MRLN: variants seen among roughly 807,000 people sequenced by gnomAD.
MRLN encodes myoregulin.
chr10:59,743,561 A>T (rs1031554264), intron 1 of MRLN, among the ~76,000 whole-genome samples: 9 of 152,118 alleles, frequency 5.9e-5, no homozygotes, highest in African/African-American at 2.2e-4. Context: ...AAGGACACAA[A>T]TTTGTCTCAT....
At chr10:59,750,429 G>A (rs1314902532) in intron 1 of MRLN, among the ~76,000 whole-genome samples, 1 of 152,130 alleles carries the variant, frequency 6.6e-6, no homozygotes, top group African/African-American at 2.4e-5. Flanking sequence ...AGCCATTGAT[G>A]GCCATGCCTC....
chr10:59,747,052 A>G (rs960796923), intron 1 of MRLN, among the ~76,000 whole-genome samples: 4 of 152,210 alleles, frequency 2.6e-5, no homozygotes, highest in Non-Finnish European at 5.9e-5. Context: ...CGTCCGCCTC[A>G]TCCTCCCAAA....
chr10:59,737,234 G>A lies in MRLN; in HGVS notation c.-20-14C>T. On this transcript the variant is annotated splice_polypyrimidine_tract_variant and intron_variant, in intron 2 of 2. Coordinates refer to ENST00000414264, the MANE Select transcript of MRLN (RefSeq NM_001304731.2). ...TTATCCCGCTCCCTAGGAAAAAAGA[G>A]AAAAGTATCCTCAAATGAACACATT... is the stretch of plus-strand genomic sequence containing the variant. 1 of 394,402 alleles carries A rather than the reference G, an allele frequency of 2.5e-6. No individual in the cohort carries two copies. The allele number at this position is 394,402 out of a possible 1,614,324, so 24.4% of individuals were successfully genotyped here. A position where few individuals can be genotyped will look rare whatever the true frequency, so the allele number is the denominator to read the frequency against.
rs112536531 is a variant in MRLN, at chr10:59,741,027, C to T, written c.-124-2465G>A. 4.0e-3 allele frequency among the ~76,000 whole-genome samples: 604 copies of T among 152,154 alleles called. 5 individuals are homozygous for T. Among genetic ancestry groups the T allele is most frequent in the African/African-American group, 0.013 (551 of 41,510 alleles). The stretch of plus-strand genomic sequence containing the variant: ...TGGCCAGGCTGGTCTTGAGCTCCTC[C>T]CCTGAGGTGATCCGTCTGCTTCAGC... On this transcript the variant is annotated intron_variant, in intron 1 of 2. Transcript: ENST00000414264.
intron 1 of MRLN, among the ~76,000 whole-genome samples, chr10:59,746,957 G>A (rs1202798917): frequency 6.6e-6 from 1 of 151,966 alleles, no homozygotes; most frequent in African/African-American, 2.4e-5. Context: ...GCACCACCAC[G>A]TCTGGCTAAT....
intron 1 of MRLN, among the ~76,000 whole-genome samples, chr10:59,751,868 C>G (rs1029834552): frequency 6.6e-6 from 1 of 152,086 alleles, no homozygotes; most frequent in African/African-American, 2.4e-5. Flanking sequence ...CAGAGCAACA[C>G]TTTGGAAAGC....
chr10:59,743,673 C>A (rs886452092), intron 1 of MRLN, among the ~76,000 whole-genome samples: 2 of 152,100 alleles, frequency 1.3e-5, no homozygotes, highest in African/African-American at 4.8e-5. Context: ...GTTCCCCCTC[C>A]GCCTCCCCCT....
At chr10:59,749,079 G>A (rs1321050856) in intron 1 of MRLN, among the ~76,000 whole-genome samples, 1 of 152,120 alleles carries the variant, frequency 6.6e-6, no homozygotes, top group Non-Finnish European at 1.5e-5. Context: ...CTGCAGCCTT[G>A]GACAAAGCAC....
At chr10:59,747,308 T>C (rs1841052783) in intron 1 of MRLN, among the ~76,000 whole-genome samples, 1 of 152,178 alleles carries the variant, frequency 6.6e-6, no homozygotes. Context: ...TGACAGAGTT[T>C]GAATCTCAGG....
intron 1 of MRLN, among the ~76,000 whole-genome samples, chr10:59,745,503 C>T (rs1326459815): frequency 8.1e-6 from 1 of 123,228 alleles, no homozygotes; most frequent in African/African-American, 3.2e-5. Context: ...CACCCCCCAC[C>T]CCCCACCATG....
In MRLN at chr10:59,736,756, T is replaced by A. The variant is rs1282923760; in HGVS notation, c.*304A>T. 6.3e-6 allele frequency: 1 copy of A among 159,624 alleles called. No individual in the cohort carries two copies. Among genetic ancestry groups the A allele is most frequent in the African/African-American group, 2.4e-5 (1 of 41,884 alleles). The allele number at this position is 159,624 out of a possible 1,614,324, so 9.9% of individuals were successfully genotyped here. On this transcript the variant is annotated 3_prime_UTR_variant, in exon 3 of 3. Transcript: ENST00000414264. Reference sequence around the variant, plus strand: ...AACTCCTGCACTCAAGGGATCCGCCTACCTGGGCCTCTCAAAGTGCTGGGA... The same window carrying A: ...AACTCCTGCACTCAAGGGATCCGCCAACCTGGGCCTCTCAAAGTGCTGGGA...
At position 59,753,338 on chromosome 10, in the gene MRLN, A is replaced by AC. The variant is rs549839441; in HGVS notation, c.-125+15_-125+16insG. 468 of 92,848 alleles carry AC rather than the reference A, an allele frequency of 5.0e-3. 5 individuals are homozygous for AC. Among genetic ancestry groups the AC allele is most frequent in the African/African-American group, 0.023 (441 of 19,324 alleles). 5.8% of individuals were successfully genotyped at this position (92,848 alleles called of 1,614,324 possible). A position where few individuals can be genotyped will look rare whatever the true frequency, so the allele number is the denominator to read the frequency against. ...ATTAAAAAACAAAACAAAACAAACAAAAAAAAAACACTTACTGTCCAGGGG... is the reference window on the plus strand; with the variant it reads ...ATTAAAAAACAAAACAAAACAAACAACAAAAAAAACACTTACTGTCCAGGGG... On this transcript the variant is annotated intron_variant, in intron 1 of 2. Transcript: ENST00000414264.
chr10:59,745,948 A>G lies in MRLN; in HGVS notation c.-124-7386T>C, dbSNP rs911112625. 5.3e-5 allele frequency among the ~76,000 whole-genome samples: 8 copies of G among 152,220 alleles called. No homozygotes were observed. In the South Asian group the frequency reaches 6.2e-4, roughly 12 times the overall value. ...CAAACAACAACAAAAAAATCCCTCT[A>G]TTATATAAAAGTATTACGAGTTCTG... On this transcript the variant is annotated intron_variant, in intron 1 of 2. Coordinates refer to ENST00000414264, the MANE Select transcript of MRLN (RefSeq NM_001304731.2).
intron 1 of MRLN, among the ~76,000 whole-genome samples, chr10:59,746,803 A>G (rs951471434): frequency 6.6e-6 from 1 of 152,194 alleles, no homozygotes; most frequent in African/African-American, 2.4e-5. Flanking sequence ...TTTAGCTGAA[A>G]GTACAGTTTT....
chr10:59,744,681 G>T, intron 1 of MRLN: 1 of 161,026 alleles, frequency 6.2e-6, no homozygotes, highest in Non-Finnish European at 1.3e-5. Context: ...GGGGAAATGT[G>T]GGGAAAAGAA....
chr10:59,740,219 C>T (rs1464577327), intron 1 of MRLN, among the ~76,000 whole-genome samples: 1 of 152,132 alleles, frequency 6.6e-6, no homozygotes, highest in African/African-American at 2.4e-5. Flanking sequence ...AACAAACCTA[C>T]AGCACTGCCA....
intron 2 of MRLN, 89 bp from the exon 3 acceptor site, chr10:59,737,309 T>A (rs1283517391): frequency 2.6e-6 from 1 of 378,968 alleles, no homozygotes; most frequent in East Asian, 3.7e-5. Flanking sequence ...TATAAAAAGA[T>A]TGTGAACAAG....
chr10:59,748,912 C>G (rs867320614), intron 1 of MRLN, among the ~76,000 whole-genome samples: 2 of 152,244 alleles, frequency 1.3e-5, no homozygotes, highest in African/African-American at 4.8e-5. Flanking sequence ...TGTGGCAGGT[C>G]AGGGCCACAA....
chr10:59,737,931 T>C (rs987580710), intron 2 of MRLN: 4 of 152,122 alleles, frequency 2.6e-5, no homozygotes, highest in Non-Finnish European at 5.9e-5. Flanking sequence ...TCCCCATATA[T>C]ACTCAACTTA....
Sources: allele counts gnomAD v4.1 joint callset (sites outside exome capture counted in the v4.1 genomes callset), GRCh38; gene constraint gnomAD v4.1.1; transcripts MANE v1.5; gene names NCBI Gene and HGNC (gene_info 2026-07-23, HGNC 2026-07-21).